The following UNC13B variants were observed in gnomAD, a reference collection of about 807,000 sequenced individuals.
UNC13B encodes the protein protein unc-13 homolog B.
UNC13B carries 144 observed loss-of-function variants against 211.0 expected under a neutral mutation model. That is an observed-to-expected ratio of 0.68 (90% confidence interval 0.60 to 0.78). The LOEUF (loss-of-function observed/expected upper bound fraction) is 0.78. Ranked by LOEUF, UNC13B falls within the 30% of genes least tolerant of loss-of-function variation. The pLI, the probability that UNC13B is intolerant of heterozygous loss-of-function variation, is 0.00. For synonymous variants in UNC13B, 709 were observed against 725.8 expected (o/e 0.98, Z 0.37); for missense variants, 1,777 against 2,002.0 (o/e 0.89, Z 2.14).
At chr9:35,198,559 A>G (rs1823075574) in intron 1 of UNC13B, among the ~76,000 whole-genome samples, 1 of 152,228 alleles carries the variant, frequency 6.6e-6, no homozygotes, top group Non-Finnish European at 1.5e-5. Flanking sequence ...GGAGTGAAGC[A>G]TTGCTATAAA....
intron 11 of UNC13B, among the ~76,000 whole-genome samples, chr9:35,323,847 T>C (rs575990167): frequency 3.9e-5 from 6 of 152,274 alleles, no homozygotes; most frequent in African/African-American, 1.2e-4. Flanking sequence ...ACCTTCCTTG[T>C]TGCAATTAGA....
chr9:35,248,105 T>G (rs1342249711), intron 6 of UNC13B, among the ~76,000 whole-genome samples: 1 of 152,232 alleles, frequency 6.6e-6, no homozygotes, highest in Admixed American at 6.5e-5. Flanking sequence ...GTCGAGGAAT[T>G]TATCCTTTTC....
chr9:35,243,468 A>C (rs1825919612), intron 6 of UNC13B, 104 bp downstream of exon 6: 1 of 1,161,532 alleles, frequency 8.6e-7, no homozygotes, highest in Non-Finnish European at 1.3e-6. Flanking sequence ...CCTGAGAATG[A>C]AATCACTTAA....
At chr9:35,364,517 C>CT (rs879565600) in intron 11 of UNC13B, 6 of 1,535,804 alleles carry the variant, frequency 3.9e-6, no homozygotes, top group Non-Finnish European at 4.4e-6. Flanking sequence ...CCTTTCTGCC[C>CT]TTTTTTCTGC....
chr9:35,255,548 G>T (rs918936974), intron 6 of UNC13B, among the ~76,000 whole-genome samples: 2 of 152,080 alleles, frequency 1.3e-5, no homozygotes, highest in Admixed American at 1.3e-4. Flanking sequence ...TGACAGGTAG[G>T]GGTTTGGGAA....
At chr9:35,234,639 A>G (rs1825392427) in intron 3 of UNC13B, among the ~76,000 whole-genome samples, 2 of 152,200 alleles carry the variant, frequency 1.3e-5, no homozygotes, top group African/African-American at 4.8e-5. Flanking sequence ...GTTTTTGGAC[A>G]CAAAAACTGA....
chr9:35,375,205 A>T lies in UNC13B; in HGVS notation c.9615+4A>T. 7 of 1,614,066 alleles carry T rather than the reference A, an allele frequency of 4.3e-6. No homozygotes were observed. Among genetic ancestry groups the T allele is most frequent in the Non-Finnish European group, 5.1e-6 (6 of 1,179,900 alleles). ...TTCTCTTAAGGACGAAGAGCTGGTA[A>T]GTGTCCCAAGTGCTTTCGTAAGTCC... is the stretch of plus-strand genomic sequence containing the variant. On this transcript the variant is annotated splice_donor_region_variant and intron_variant, in intron 14 of 39. Transcript: ENST00000635942.
chr9:35,205,303 A>G (rs1823579800), intron 1 of UNC13B, among the ~76,000 whole-genome samples: 1 of 152,174 alleles, frequency 6.6e-6, no homozygotes, highest in East Asian at 1.9e-4. Context: ...ATACAAGAAC[A>G]GACTAATACA....
At chr9:35,227,426 T>A (rs1824912017) in intron 1 of UNC13B, among the ~76,000 whole-genome samples, 1 of 152,208 alleles carries the variant, frequency 6.6e-6, no homozygotes, top group Non-Finnish European at 1.5e-5. Context: ...GATTTAGCAG[T>A]TTTCCTGCAT....
At chr9:35,250,812 C>G (rs1826421011) in intron 6 of UNC13B, among the ~76,000 whole-genome samples, 1 of 152,066 alleles carries the variant, frequency 6.6e-6, no homozygotes, top group Admixed American at 6.6e-5. Context: ...ATATTCTTGT[C>G]AACACTTGTT....
chr9:35,286,800 C>T (rs961136915), intron 7 of UNC13B, among the ~76,000 whole-genome samples: 2 of 152,182 alleles, frequency 1.3e-5, no homozygotes, highest in Non-Finnish European at 2.9e-5. Context: ...TTGGCAAACA[C>T]ATCCGTGTGC....
chr9:35,186,009 G>A (rs1281586616), intron 1 of UNC13B, among the ~76,000 whole-genome samples: 1 of 151,568 alleles, frequency 6.6e-6, no homozygotes, highest in Non-Finnish European at 1.5e-5. Flanking sequence ...CTTGGCCAAG[G>A]GAAACCCAAA....
chr9:35,379,911 ACTC>A (rs1012656130), intron 17 of UNC13B, among the ~76,000 whole-genome samples: 18 of 152,038 alleles, frequency 1.2e-4, no homozygotes, highest in African/African-American at 3.4e-4. Flanking sequence ...ACCTGGGAAA[ACTC>A]CTTTCTCCAA....
At position 35,162,164 on chromosome 9, in the gene UNC13B, C is replaced by T; in HGVS notation, c.-120C>T. ...GCGGGACGCTACCTGCGACCGGGAC[C>T]ATGAGGAGCTGCCAGACCCGTGGGG... On this transcript the variant is annotated 5_prime_UTR_variant, in exon 1 of 40. Transcript: ENST00000635942. 3.5e-6 allele frequency: 5 copies of T among 1,445,710 alleles called. No individual in the cohort carries two copies. The highest frequency in any genetic ancestry group is 4.7e-6 in the Non-Finnish European group (5 of 1,066,302). The allele number at this position is 1,445,710 out of a possible 1,614,324, so 89.6% of individuals were successfully genotyped here.
At position 35,206,001 on chromosome 9, in the gene UNC13B, T is replaced by A. The variant is rs368346985; in HGVS notation, c.23-22014T>A. Among the ~76,000 whole-genome samples the A allele has an allele frequency of 7.8e-4, 118 of 152,070 alleles. 2 individuals carry two copies. In the South Asian group the frequency reaches 0.019, roughly 25 times the overall value. ...GAGTTTGAGACCAGGTTGGGCAACA[T>A]GATGTAACCCCATCTCTAAAAAAAA... On this transcript the variant is annotated intron_variant, in intron 1 of 39. Coordinates refer to ENST00000635942, the MANE Select transcript of UNC13B (RefSeq NM_001371189.2).
intron 13 of UNC13B, 53 bp from the exon 14 acceptor site, chr9:35,375,074 A>T: frequency 3.1e-6 from 5 of 1,603,294 alleles, no homozygotes; most frequent in Non-Finnish European, 4.3e-6. Flanking sequence ...CCTCCCCCAG[A>T]CTTTGCCAGC....
chr9:35,381,901 T>C (rs1035512119), intron 20 of UNC13B, among the ~76,000 whole-genome samples, 182 bp downstream of exon 20: 1 of 152,198 alleles, frequency 6.6e-6, no homozygotes, highest in Non-Finnish European at 1.5e-5. Context: ...AGAAAAAGAA[T>C]GTTGTAACTC....
chr9:35,230,056 A>G (rs931827107), intron 2 of UNC13B, among the ~76,000 whole-genome samples: 3 of 152,202 alleles, frequency 2.0e-5, no homozygotes, highest in Non-Finnish European at 4.4e-5. Context: ...AATGTGCTGT[A>G]ATAAGAATTA....
intron 11 of UNC13B, among the ~76,000 whole-genome samples, chr9:35,362,748 C>T (rs1032796648): frequency 2.2e-4 from 33 of 147,738 alleles, no homozygotes; most frequent in African/African-American, 6.5e-4. Flanking sequence ...TGCAGTGAGC[C>T]GAGATCGCAC....
Sources: gnomAD v4.1 joint callset for allele counts (sites outside exome capture counted in the v4.1 genomes callset) on GRCh38, gnomAD v4.1.1 for gene constraint, MANE v1.5 for transcripts, NCBI Gene and HGNC (gene_info 2026-07-23, HGNC 2026-07-21) for gene names.